HABP4: variants seen among roughly 807,000 people sequenced by gnomAD.
The protein encoded by HABP4 is hyaluronan binding protein 4.
Under a neutral mutation model 44.1 loss-of-function variants are expected in HABP4, and 32 were observed. That is an observed-to-expected ratio of 0.73 (90% confidence interval 0.55 to 0.97). The LOEUF (loss-of-function observed/expected upper bound fraction) is 0.97, where lower values mean the gene tolerates loss of function less well. Among genes scored for constraint, HABP4 ranks in the 50% least tolerant of loss-of-function variants. The pLI, the probability that HABP4 is intolerant of heterozygous loss-of-function variation, is 0.00. For synonymous variants in HABP4, 216 were observed against 218.0 expected (o/e 0.99, Z 0.08); for missense variants, 503 against 561.9 (o/e 0.90, Z 1.06).
intron 1 of HABP4, among the ~76,000 whole-genome samples, chr9:96,453,397 G>A (rs1466293780): frequency 1.3e-5 from 2 of 151,842 alleles, no homozygotes; most frequent in African/African-American, 4.8e-5. Flanking sequence ...TTTTAATAGA[G>A]ATGGGGTTTC....
intron 2 of HABP4, 84 bp downstream of exon 2, chr9:96,458,625 T>TA: frequency 7.8e-5 from 71 of 911,470 alleles, no homozygotes; most frequent in Non-Finnish European, 1.1e-4. Flanking sequence ...TTTCTTTCTT[T>TA]CTTTTTTTTT....
intron 1 of HABP4, among the ~76,000 whole-genome samples, chr9:96,453,495 G>T (rs1832322779): frequency 1.3e-5 from 2 of 151,318 alleles, no homozygotes; most frequent in Admixed American, 1.3e-4. Flanking sequence ...ACAGGCGTGA[G>T]CCATGATGCC....
At chr9:96,469,489 T>G (rs1356772477) in intron 4 of HABP4, among the ~76,000 whole-genome samples, 1 of 151,994 alleles carries the variant, frequency 6.6e-6, no homozygotes, top group Non-Finnish European at 1.5e-5. Flanking sequence ...ACATGGGCCC[T>G]GGGGTTATAT....
chr9:96,458,607 C>A, intron 2 of HABP4, 66 bp downstream of exon 2: 152 of 925,156 alleles, frequency 1.6e-4, no homozygotes, highest in Non-Finnish European at 2.3e-4. Context: ...ATGCTACTTT[C>A]TTTTTCTTTT....
intron 6 of HABP4, among the ~76,000 whole-genome samples, chr9:96,486,731 A>G (rs1832982582): frequency 6.6e-6 from 1 of 152,040 alleles, no homozygotes; most frequent in African/African-American, 2.4e-5. Flanking sequence ...GGACACCTGA[A>G]GAGGCAGAAG....
chr9:96,481,712 C>T (rs112674029), intron 5 of HABP4, among the ~76,000 whole-genome samples: 4 of 152,186 alleles, frequency 2.6e-5, no homozygotes, highest in Admixed American at 1.3e-4. Context: ...TGCCACTGTA[C>T]TCCAGCCTGG....
chr9:96,480,312 A>G (rs1425689837), intron 5 of HABP4, among the ~76,000 whole-genome samples: 2 of 152,208 alleles, frequency 1.3e-5, no homozygotes, highest in African/African-American at 2.4e-5. Context: ...CAGTATATAC[A>G]GATAGTCCTC....
chr9:96,482,234 G>C (rs907835585), intron 5 of HABP4, among the ~76,000 whole-genome samples: 1 of 152,066 alleles, frequency 6.6e-6, no homozygotes, highest in African/African-American at 2.4e-5. Context: ...CACTGTGCCT[G>C]GCCTTGTAGA....
At chr9:96,458,295 A>G in intron 1 of HABP4, 84 bp from the exon 2 acceptor site, 7 of 1,347,740 alleles carry the variant, frequency 5.2e-6, no homozygotes, top group Non-Finnish European at 7.4e-6. Flanking sequence ...TAGAAAAATG[A>G]AATTTACAAG....
At chr9:96,477,812 A>G (rs142084689) in intron 5 of HABP4, among the ~76,000 whole-genome samples, 1 of 152,220 alleles carries the variant, frequency 6.6e-6, no homozygotes, top group Admixed American at 6.6e-5. Context: ...AATCATGAGC[A>G]TAGCCATCGC....
At chr9:96,462,912 A>G (rs1159746499) in intron 2 of HABP4, among the ~76,000 whole-genome samples, 2 of 151,900 alleles carry the variant, frequency 1.3e-5, no homozygotes, top group Non-Finnish European at 2.9e-5. Context: ...ACAGAGTGAG[A>G]TACTGTCTGA....
rs1832439441 is a variant in HABP4, at chr9:96,458,456, G to A, written c.427G>A (p.Ala143Thr). 6.2e-7 allele frequency: 1 copy of A among 1,613,400 alleles called. No individual in the cohort carries two copies. The highest frequency in any genetic ancestry group is 1.3e-5 in the African/African-American group (1 of 74,914). The stretch of plus-strand genomic sequence containing the variant: ...TGGGCCGGAGGGGATGCTCGAAAGA[G>A]CTGAGCGGAGATCCTACAGGGAATA... Reference protein sequence around the residue: ...SRGPEGMLERAERRSYREYRP... With the variant: ...SRGPEGMLERTERRSYREYRP... Residue 143 changes from alanine (A) to threonine (T), a missense_variant, in exon 2 of 8, where the codon GCT becomes ACT. Ala to Thr is a moderately conservative substitution (Grantham distance 58). Coordinates refer to ENST00000375249, the MANE Select transcript of HABP4 (RefSeq NM_014282.4).
intron 4 of HABP4, among the ~76,000 whole-genome samples, chr9:96,469,347 AT>A (rs907429577): frequency 4.6e-5 from 7 of 152,142 alleles, no homozygotes; most frequent in African/African-American, 1.7e-4. Flanking sequence ...GTTGTCAGAG[AT>A]TTGATTAAGT....
In HABP4 at chr9:96,450,321, C is replaced by T. The variant is rs913615255; in HGVS notation, c.42C>T (p.Ala14=). Residue 14 remains alanine (A), a synonymous_variant, in exon 1 of 8, where the codon GCC becomes GCT. Transcript: ENST00000375249. This position sits in a 1 kb window ranked among gnomAD's most constrained non-coding sequence, Gnocchi z 4.8. ...ALGSPVAAAG[A]AMQESFGCVV... ...GGAGTCCCGTGGCTGCCGCTGGCGC[C>T]GCGATGCAGGAGAGTTTCGGCTGCG... 3 of 1,395,862 alleles carry T rather than the reference C, an allele frequency of 2.1e-6. No homozygotes were observed. The highest frequency in any genetic ancestry group is 3.9e-5 in the East Asian group (1 of 25,348). The allele number at this position is 1,395,862 out of a possible 1,614,324, so 86.5% of individuals were successfully genotyped here.
At chr9:96,476,647 A>G (rs1435357763) in intron 5 of HABP4, among the ~76,000 whole-genome samples, 2 of 152,240 alleles carry the variant, frequency 1.3e-5, no homozygotes, top group Admixed American at 1.3e-4. Flanking sequence ...ATCGAAGGAT[A>G]CATCTCTTCC....
At chr9:96,485,804 T>C (rs1296639736) in intron 6 of HABP4, among the ~76,000 whole-genome samples, 2 of 152,160 alleles carry the variant, frequency 1.3e-5, no homozygotes, top group Non-Finnish European at 2.9e-5. Context: ...GGTAGCAGGT[T>C]CTTCCTCTCT....
At position 96,456,759 on chromosome 9, in the gene HABP4, C is replaced by CAA. The variant is rs764603456; in HGVS notation, c.350-1599_350-1598dup. Among the ~76,000 whole-genome samples the CAA allele has an allele frequency of 4.0e-3, 98 of 24,724 alleles. 11 individuals carry two copies. The highest frequency in any genetic ancestry group is 5.0e-3 in the Non-Finnish European group (81 of 16,276). The allele number at this position is 24,724 out of a possible 152,430, so 16.2% of individuals were successfully genotyped here. On this transcript the variant is annotated intron_variant, in intron 1 of 7. Transcript: ENST00000375249. ...TGGGCAACAGAGCAAGACTCCATCT[C>CAA]AAAAAAAAAAAAAAAAAAAAAATAT...
At position 96,450,451 on chromosome 9, in the gene HABP4, C is replaced by T; in HGVS notation, c.172C>T (p.Arg58Cys). Reference sequence around the variant, plus strand: ...CCAGCAGCAGCTGCAGCGCAAGAGGCGCGACGAGGCGGCGGCGGCGGCCGG... The same window carrying T: ...CCAGCAGCAGCTGCAGCGCAAGAGGTGCGACGAGGCGGCGGCGGCGGCCGG... The part of the protein sequence containing the change: ...RRQQQLQRKR[R>C]DEAAAAAGAG... The change falls in exon 1 of 8, where the codon CGC becomes TGC. Residue 58 changes from arginine to cysteine, a missense_variant. This residue lies in a region of HABP4 where 290 missense variants were observed against 300.5 expected (regional missense o/e 0.97). Transcript: ENST00000375249. This position sits in a 1 kb window ranked among gnomAD's most constrained non-coding sequence, Gnocchi z 4.8. 1 of 1,249,770 alleles carries T rather than the reference C, an allele frequency of 8.0e-7. No individual in the cohort carries two copies. The highest frequency in any genetic ancestry group is 1.0e-6 in the Non-Finnish European group (1 of 990,304). 77.4% of individuals were successfully genotyped at this position (1,249,770 alleles called of 1,614,324 possible).
At chr9:96,487,342 A>G (rs1053770147) in intron 6 of HABP4, among the ~76,000 whole-genome samples, 4 of 152,062 alleles carry the variant, frequency 2.6e-5, no homozygotes, top group African/African-American at 9.7e-5. Flanking sequence ...TGTGATACCC[A>G]TTATTATGAG....
Sources: allele counts gnomAD v4.1 joint callset (sites outside exome capture counted in the v4.1 genomes callset), GRCh38; gene constraint gnomAD v4.1.1; regional missense constraint gnomAD v4.1.1; non-coding constraint Gnocchi (gnomAD v3.1); transcripts MANE v1.5; gene names NCBI Gene and HGNC (gene_info 2026-07-23, HGNC 2026-07-21).